The following ENKUR variants were observed in gnomAD, a reference collection of about 807,000 sequenced individuals.
ENKUR encodes the protein enkurin, TRPC channel interacting protein.
Under a neutral mutation model 27.6 loss-of-function variants are expected in ENKUR, and 19 were observed. That is an observed-to-expected ratio of 0.69 (90% CI 0.48 to 1.01). The LOEUF (loss-of-function observed/expected upper bound fraction) is 1.01, where lower values mean the gene tolerates loss of function less well. Among genes scored for constraint, ENKUR ranks in the 50% least tolerant of loss-of-function variants. The pLI is 0.00. For missense variants in ENKUR, 312 were observed against 310.5 expected, an observed-to-expected ratio of 1.00 and a Z score of -0.04; for synonymous variants, 117 against 96.9, an observed-to-expected ratio of 1.21 and a Z score of -1.22.
intron 2 of ENKUR, among the ~76,000 whole-genome samples, chr10:25,058,335 G>A (rs1285090283): frequency 6.6e-6 from 1 of 152,056 alleles, no homozygotes; most frequent in Non-Finnish European, 1.5e-5. Flanking sequence ...AGCCACCCGA[G>A]TAGCTGGGAC....
intron 4 of ENKUR, among the ~76,000 whole-genome samples, chr10:24,985,526 T>C (rs1849760193): frequency 6.6e-6 from 1 of 152,220 alleles, no homozygotes; most frequent in Non-Finnish European, 1.5e-5. Context: ...CTATAAATGA[T>C]TGAAAGGTCA....
intron 2 of ENKUR, among the ~76,000 whole-genome samples, chr10:25,036,385 T>C (rs1419773613): frequency 2.0e-5 from 3 of 152,240 alleles, no homozygotes; most frequent in Admixed American, 2.0e-4. Context: ...CGTGGAACTG[T>C]GAGTCCATTA....
At chr10:25,035,170 A>G (rs1850992872) in intron 2 of ENKUR, among the ~76,000 whole-genome samples, 1 of 152,234 alleles carries the variant, frequency 6.6e-6, no homozygotes, top group Admixed American at 6.5e-5. Flanking sequence ...ATGGTCTAGA[A>G]GTAACTTTTT....
intron 2 of ENKUR, among the ~76,000 whole-genome samples, chr10:25,057,917 A>T (rs984750222): frequency 6.6e-6 from 1 of 151,946 alleles, no homozygotes; most frequent in Non-Finnish European, 1.5e-5. Flanking sequence ...ATATGTAGGC[A>T]TGGTGGTGCA....
At chr10:24,991,738 C>T (rs1849933832) in intron 3 of ENKUR, among the ~76,000 whole-genome samples, 1 of 152,218 alleles carries the variant, frequency 6.6e-6, no homozygotes, top group South Asian at 2.1e-4. Flanking sequence ...TATACCAAGG[C>T]AAGACTCCTG....
chr10:24,988,250 A>G (rs554982686), intron 4 of ENKUR, among the ~76,000 whole-genome samples: 26 of 140,278 alleles, frequency 1.9e-4, no homozygotes, highest in East Asian at 1.2e-3. Context: ...ATATATATAT[A>G]TGTGTATATA....
At chr10:25,019,726 C>T (rs1420437660), upstream of ENKUR, among the ~76,000 whole-genome samples, 1 of 152,220 alleles carries the variant, frequency 6.6e-6, no homozygotes, top group Non-Finnish European at 1.5e-5. Flanking sequence ...TCCAATATCC[C>T]TCTCAATGCT....
chr10:25,021,500 T>G (rs1434232119), intron 2 of ENKUR, among the ~76,000 whole-genome samples: 1 of 152,202 alleles, frequency 6.6e-6, no homozygotes, highest in Non-Finnish European at 1.5e-5. Context: ...TGGTTTTTTA[T>G]TGCTTGATGG....
intron 2 of ENKUR, among the ~76,000 whole-genome samples, chr10:25,058,821 C>G: frequency 6.6e-6 from 1 of 151,866 alleles, no homozygotes; most frequent in East Asian, 2.0e-4. Context: ...GTCCCAGCTA[C>G]TCGGGAGGCT....
rs143700776 is a variant in ENKUR at position 25,039,541 on chromosome 10, C to A, written c.37+21571G>T. Among the ~76,000 whole-genome samples the A allele has an allele frequency of 5.1e-3, 771 of 152,300 alleles. 5 individuals are homozygous for A. Among genetic ancestry groups the A allele is most frequent in the African/African-American group, 0.018 (730 of 41,548 alleles). On this transcript the variant is annotated intron_variant, in intron 2 of 5. Coordinates refer to the ENKUR transcript ENST00000615958. ...GTTGCAGTGAGCAGAGATTGTGCCA[C>A]TGCATTCCAACCTGGGGGACAGAGT...
chr10:25,057,830 G>C (rs1019872943), intron 2 of ENKUR, among the ~76,000 whole-genome samples: 1 of 152,166 alleles, frequency 6.6e-6, no homozygotes, highest in East Asian at 1.9e-4. Context: ...GAATCTTGGA[G>C]AAAGGGCAGT....
At position 24,997,833 on chromosome 10, in the gene ENKUR, G is replaced by T. The variant is rs908248594; in HGVS notation, c.223+1568C>A. 3.5e-5 allele frequency among the ~76,000 whole-genome samples: 5 copies of T among 144,288 alleles called. No individual in the cohort carries two copies. In the East Asian group the frequency reaches 9.7e-4, roughly 28 times the overall value. 94.7% of individuals were successfully genotyped at this position (144,288 alleles called of 152,430 possible). On this transcript the variant is annotated intron_variant, in intron 2 of 5. Coordinates refer to ENST00000331161, the MANE Select transcript of ENKUR (RefSeq NM_145010.4). Reference sequence around the variant, plus strand: ...TATATATATATATATATATGTTTGTGTTATATCATATGTTTAACCCTAGAG... The same window carrying T: ...TATATATATATATATATATGTTTGTTTTATATCATATGTTTAACCCTAGAG...
At chr10:25,027,408 A>G (rs1237413076) in intron 2 of ENKUR, among the ~76,000 whole-genome samples, 1 of 141,856 alleles carries the variant, frequency 7.0e-6, no homozygotes, top group Non-Finnish European at 1.5e-5. Context: ...ATGGTGGCGC[A>G]TGCCTGTAGT....
In ENKUR at chr10:24,995,837, G is replaced by T. The variant is rs1850039934; in HGVS notation, c.256C>A (p.Pro86Thr). Residue 86 changes from proline to threonine, a missense_variant, in exon 3 of 6, where the codon CCT becomes ACT. Physicochemically the swap from Pro to Thr is conservative, Grantham distance 38. Coordinates refer to ENST00000331161, the MANE Select transcript of ENKUR (RefSeq NM_145010.4). ...TGATCAGTCTTCAATGGCACAGCAG[G>T]CTTTTTGGGCACGTTCCGATCAAAG... ...KNFDRNVPKK[P>T]AVPLKTDHPV... The T allele has an allele frequency of 6.2e-7, 1 of 1,610,606 alleles. No homozygotes were observed. The highest frequency in any genetic ancestry group is 8.5e-7 in the Non-Finnish European group (1 of 1,179,304).
chr10:25,018,202 G>GA (rs1169758000), upstream of ENKUR, among the ~76,000 whole-genome samples: 1 of 152,246 alleles, frequency 6.6e-6, no homozygotes, highest in Non-Finnish European at 1.5e-5. Context: ...AAATCATTTG[G>GA]AAAAAAACTT....
chr10:25,020,750 A>G (rs938613166), upstream of ENKUR, among the ~76,000 whole-genome samples: 1 of 152,080 alleles, frequency 6.6e-6, no homozygotes, highest in African/African-American at 2.4e-5. Context: ...CAAAAAAAAA[A>G]AAAAAATTAC....
At chr10:24,995,592 C>A in intron 3 of ENKUR, 54 bp downstream of exon 3, 1 of 1,438,086 alleles carries the variant, frequency 7.0e-7, no homozygotes, top group South Asian at 1.3e-5. Context: ...ATCATGAACA[C>A]CATATTTAAA....
At chr10:25,058,797 G>A (rs1024936966) in intron 2 of ENKUR, among the ~76,000 whole-genome samples, 3 of 151,984 alleles carry the variant, frequency 2.0e-5, no homozygotes, top group Non-Finnish European at 2.9e-5. Context: ...CAGGTGTAGT[G>A]GCTCATGCCT....
At chr10:25,011,227 G>C (rs1678221866) in intron 1 of ENKUR, among the ~76,000 whole-genome samples, 1 of 152,090 alleles carries the variant, frequency 6.6e-6, no homozygotes, top group Non-Finnish European at 1.5e-5. Context: ...CTGTCTTTTG[G>C]CTGCATAAAT....
Sources: allele counts gnomAD v4.1 joint callset (sites outside exome capture counted in the v4.1 genomes callset), GRCh38; gene constraint gnomAD v4.1.1; transcripts MANE v1.5; gene names NCBI Gene and HGNC (gene_info 2026-07-23, HGNC 2026-07-21).